CEP57L1: variants seen among roughly 807,000 people sequenced by gnomAD.
The protein encoded by CEP57L1 is centrosomal protein CEP57L1.
A neutral mutation model predicts 61.0 loss-of-function variants in CEP57L1; 37 were observed. That is an observed-to-expected ratio of 0.61 (90% CI 0.47 to 0.80). The LOEUF (loss-of-function observed/expected upper bound fraction) is 0.80, where lower values mean the gene tolerates loss of function less well. Ranked by LOEUF, CEP57L1 falls within the 30% of genes least tolerant of loss-of-function variation. The pLI is 0.00. For missense variants in CEP57L1, 422 were observed against 524.7 expected (o/e 0.80, Z 1.91); for synonymous variants, 137 against 162.3 (o/e 0.84, Z 1.19).
chr6:109,140,400 A>ATTTTT (rs397723367), intron 1 of CEP57L1: 2 of 122,462 alleles, frequency 1.6e-5, no homozygotes, highest in African/African-American at 6.2e-5. Context: ...TGTTGTATTA[A>ATTTTT]TTTTTTTTTT....
At chr6:109,102,090 A>G (rs764372568) in intron 1 of CEP57L1, among the ~76,000 whole-genome samples, 5 of 152,164 alleles carry the variant, frequency 3.3e-5, no homozygotes, top group Non-Finnish European at 7.4e-5. Context: ...TGATTCCCCA[A>G]TGACATATGT....
rs1772589536 is a variant in CEP57L1, at chr6:109,118,659, T to A, written c.-4+23084T>A. Among the ~76,000 whole-genome samples the A allele has an allele frequency of 1.3e-5, 2 of 152,208 alleles. 1 individual carries two copies. Among genetic ancestry groups the A allele is most frequent in the African/African-American group, 4.8e-5 (2 of 41,460 alleles). ...GGAATTATGACTTCTGAGCTCTCAA[T>A]ACCAAGGAAAGCAATGTTATGACAA... On this transcript the variant is annotated intron_variant, in intron 1 of 10. Coordinates refer to ENST00000517392, the MANE Select transcript of CEP57L1 (RefSeq NM_001271852.3).
intron 1 of CEP57L1, among the ~76,000 whole-genome samples, chr6:109,141,103 T>C (rs537337900): frequency 4.3e-4 from 64 of 149,552 alleles, no homozygotes; most frequent in Admixed American, 8.7e-4. Context: ...GTGCTGGGAT[T>C]ACAGACATGA....
At chr6:109,119,114 A>G (rs1554276618) in intron 1 of CEP57L1, among the ~76,000 whole-genome samples, 1 of 152,192 alleles carries the variant, frequency 6.6e-6, no homozygotes, top group Non-Finnish European at 1.5e-5. Flanking sequence ...GAACAATAGG[A>G]ACATTAGAAA....
intron 1 of CEP57L1, among the ~76,000 whole-genome samples, chr6:109,136,007 G>C (rs6914795): frequency 1 from 151,915 of 152,242 alleles, 75,797 homozygotes; most frequent in East Asian, 1. Context: ...GACAGTGTGG[G>C]GATTCCTCAG....
At chr6:109,121,299 CA>C in intron 1 of CEP57L1, among the ~76,000 whole-genome samples, 1 of 152,252 alleles carries the variant, frequency 6.6e-6, no homozygotes, top group Middle Eastern at 3.4e-3. Flanking sequence ...ATGAAATTTG[CA>C]GTTTTAAAAG....
chr6:109,124,926 ATTT>A (rs1451764260), intron 1 of CEP57L1: 2 of 152,076 alleles, frequency 1.3e-5, no homozygotes, highest in Non-Finnish European at 2.9e-5. Flanking sequence ...CTGGGGTTGT[ATTT>A]TTCATCTCTG....
chr6:109,112,260 A>G (rs1771743205), intron 1 of CEP57L1, among the ~76,000 whole-genome samples: 1 of 152,116 alleles, frequency 6.6e-6, no homozygotes, highest in Non-Finnish European at 1.5e-5. Flanking sequence ...GGGAGGGTGT[A>G]TGTGCCCCGG....
chr6:109,163,856 A>G lies in CEP57L1; in HGVS notation c.*886A>G, dbSNP rs895660175. 3.3e-5 allele frequency: 5 copies of G among 152,264 alleles called. No homozygotes were observed. The highest frequency in any genetic ancestry group is 1.2e-4 in the African/African-American group (5 of 41,548). The allele number at this position is 152,264 out of a possible 1,614,324, so 9.4% of individuals were successfully genotyped here. A position where few individuals can be genotyped will look rare whatever the true frequency, so the allele number is the denominator to read the frequency against. Reference sequence around the variant, plus strand: ...TTATATTTTAAAATCAATAATGTCAAATGTCATTGTGTATGCATGCTTTAT... The same window carrying G: ...TTATATTTTAAAATCAATAATGTCAGATGTCATTGTGTATGCATGCTTTAT... On this transcript the variant is annotated 3_prime_UTR_variant, in exon 11 of 11. Coordinates refer to ENST00000517392, the MANE Select transcript of CEP57L1 (RefSeq NM_001271852.3).
intron 1 of CEP57L1, among the ~76,000 whole-genome samples, chr6:109,105,747 G>C (rs1022699363): frequency 6.6e-6 from 1 of 152,072 alleles, no homozygotes; most frequent in Non-Finnish European, 1.5e-5. Context: ...TCTAGATTAG[G>C]GATCCCCAAC....
In CEP57L1 at chr6:109,153,231, C is replaced by CTTT. The variant is rs34538762; in HGVS notation, c.463-576_463-574dup. Among the ~76,000 whole-genome samples, 14 of 79,018 alleles carry CTTT rather than the reference C, an allele frequency of 1.8e-4. 2 individuals are homozygous for CTTT. The highest frequency in any genetic ancestry group is 4.5e-4 in the African/African-American group (10 of 22,166). The allele number at this position is 79,018 out of a possible 152,430, so 51.8% of individuals were successfully genotyped here. ...GCTAATATAACACATCTAATCTGCA[C>CTTT]TTTTTTTTTTTTTTTTTTTTTTTTT... On this transcript the variant is annotated intron_variant, in intron 4 of 10. Transcript: ENST00000517392.
In CEP57L1 at chr6:109,150,211, G is replaced by A. The variant is rs763471521; in HGVS notation, c.434G>A (p.Arg145Gln). 1.7e-5 allele frequency: 28 copies of A among 1,604,770 alleles called. No individual in the cohort carries two copies. The highest frequency in any genetic ancestry group is 1.7e-4 in the Middle Eastern group (1 of 6,058). Reference sequence around the variant, plus strand: ...AAGAGAATGGTTCTCAACGTAGAGCGAGAAAAGAACATGATCCTAGAACAA... The same window carrying A: ...AAGAGAATGGTTCTCAACGTAGAGCAAGAAAAGAACATGATCCTAGAACAA... ...YTKRMVLNVE[R>Q]EKNMILEQQA... Residue 145 changes from arginine to glutamine, a missense_variant, in exon 4 of 11, where the codon CGA becomes CAA. By Grantham distance (43) the Arg-to-Gln change is conservative. Coordinates refer to ENST00000517392, the MANE Select transcript of CEP57L1 (RefSeq NM_001271852.3).
rs761361624 is a variant in CEP57L1, at chr6:109,162,878, A to G, written c.1291A>G (p.Asn431Asp). The G allele has an allele frequency of 6.2e-7, 1 of 1,613,236 alleles. No individual in the cohort carries two copies. The highest frequency in any genetic ancestry group is 8.5e-7 in the Non-Finnish European group (1 of 1,179,474). Residue 431 changes from asparagine to aspartate, a missense_variant, in exon 11 of 11, where the codon AAC becomes GAC. Transcript: ENST00000517392. ...CCCCAGAAAATGTTTGACTGACACT[A>G]ACCTTTTTCAGAAAAACAGCAGCTT... ...NSPRKCLTDTNLFQKNSSFHP... is the reference protein window; with the variant it reads ...NSPRKCLTDTDLFQKNSSFHP...
At chr6:109,132,211 T>G (rs1027997435) in intron 1 of CEP57L1, among the ~76,000 whole-genome samples, 2 of 152,280 alleles carry the variant, frequency 1.3e-5, no homozygotes, top group East Asian at 3.9e-4. Flanking sequence ...TGAAGAAAAG[T>G]GCTTTAAACA....
intron 3 of CEP57L1, among the ~76,000 whole-genome samples, chr6:109,149,083 G>C (rs1214201872): frequency 6.6e-6 from 1 of 152,202 alleles, no homozygotes; most frequent in Non-Finnish European, 1.5e-5. Flanking sequence ...TGTTCACTCT[G>C]ATGGTAGTTT....
At position 109,174,106 on chromosome 6, in the gene CEP57L1, A is replaced by AAAAAAAAAAAAAAAAAAAAAAAAC. The variant is rs1774533811; in HGVS notation, c.*11144_*11145insAAAAAAAAAAAAAAACAAAAAAAA. ...TAGAGTGAGTCTTGGTCTCAAAAAA[A>AAAAAAAAAAAAAAAAAAAAAAAAC]AAAAAAAACCTTGTGTTGGAAACCA... On this transcript the variant is annotated 3_prime_UTR_variant, in exon 11 of 11. Transcript: ENST00000517392. Among the ~76,000 whole-genome samples the AAAAAAAAAAAAAAAAAAAAAAAAC allele has an allele frequency of 1.3e-5, 2 of 151,670 alleles. No individual in the cohort carries two copies. The highest frequency in any genetic ancestry group is 4.9e-5 in the African/African-American group (2 of 41,192).
At chr6:109,151,536 A>G (rs1583624534) in intron 4 of CEP57L1, among the ~76,000 whole-genome samples, 1 of 152,272 alleles carries the variant, frequency 6.6e-6, no homozygotes, top group South Asian at 2.1e-4. Context: ...TACAACCCAC[A>G]ATACATTATT....
chr6:109,116,954 T>C (rs956627308), intron 1 of CEP57L1, among the ~76,000 whole-genome samples: 1 of 152,192 alleles, frequency 6.6e-6, no homozygotes, highest in Non-Finnish European at 1.5e-5. Context: ...AAAGACAATT[T>C]ATACAAGCAT....
intron 1 of CEP57L1, among the ~76,000 whole-genome samples, chr6:109,131,473 C>G (rs1562532427): frequency 6.6e-6 from 1 of 151,912 alleles, no homozygotes; most frequent in Non-Finnish European, 1.5e-5. Flanking sequence ...AGAATTGTAG[C>G]TGGAATGGAA....
Sources: allele counts gnomAD v4.1 joint callset (sites outside exome capture counted in the v4.1 genomes callset), GRCh38; gene constraint gnomAD v4.1.1; transcripts MANE v1.5; gene names NCBI Gene and HGNC (gene_info 2026-07-23, HGNC 2026-07-21).